The following IL1RAPL1 variants were observed in gnomAD, a reference collection of about 807,000 sequenced individuals.
IL1RAPL1 encodes the protein interleukin 1 receptor accessory protein like 1.
Under a neutral mutation model 48.4 loss-of-function variants are expected in IL1RAPL1, and 3 were observed. The ratio of observed to expected loss-of-function variants is 0.06; its 90% CI spans 0.03 to 0.16. The LOEUF is 0.16. Ranked by LOEUF, IL1RAPL1 falls within the 10% of genes least tolerant of loss-of-function variation. The pLI is 1.00. For synonymous variants in IL1RAPL1, 185 were observed against 187.7 expected (o/e 0.99, Z 0.12); for missense variants, 349 against 530.6 (o/e 0.66, Z 3.36).
intron 6 of IL1RAPL1, among the ~76,000 whole-genome samples, chrX:29,706,365 A>G (rs938593446): frequency 6.3e-5 from 7 of 111,747 alleles, no homozygotes; most frequent in Non-Finnish European, 1.3e-4. Context: ...TTTAACTCAG[A>G]AGTCCACAGT....
chrX:29,729,600 A>G (rs1029858419), intron 6 of IL1RAPL1, among the ~76,000 whole-genome samples: 1 of 112,009 alleles, frequency 8.9e-6, no homozygotes, highest in African/African-American at 3.2e-5. Context: ...GCATTCTGGA[A>G]CATTCCAACT....
chrX:29,331,068 G>C (rs1327415709), intron 3 of IL1RAPL1, among the ~76,000 whole-genome samples: 1 of 111,275 alleles, frequency 9.0e-6, no homozygotes, highest in African/African-American at 3.3e-5. Flanking sequence ...TCGGGAGGTT[G>C]AGGCGGGAGA....
At chrX:28,913,408 G>A (rs1474109324) in intron 2 of IL1RAPL1, among the ~76,000 whole-genome samples, 1 of 111,732 alleles carries the variant, frequency 8.9e-6, no homozygotes, top group Non-Finnish European at 1.9e-5. Context: ...ATGCTTAACA[G>A]TGTGTTGCCT....
intron 2 of IL1RAPL1, among the ~76,000 whole-genome samples, chrX:29,130,906 A>G (rs925166200): frequency 4.5e-5 from 5 of 112,200 alleles, no homozygotes; most frequent in Admixed American, 9.5e-5. Flanking sequence ...CATTCATAAT[A>G]CGGATTTTTT....
chrX:29,159,282 C>T (rs769361905), intron 2 of IL1RAPL1, among the ~76,000 whole-genome samples: 6 of 110,903 alleles, frequency 5.4e-5, no homozygotes, highest in East Asian at 5.7e-4. Flanking sequence ...TTGTCATAAT[C>T]AATTATGTAG....
chrX:28,761,863 G>C (rs1936177073), intron 1 of IL1RAPL1, among the ~76,000 whole-genome samples: 1 of 112,185 alleles, frequency 8.9e-6, no homozygotes, highest in Non-Finnish European at 1.9e-5. Flanking sequence ...GTTCTTAACA[G>C]TGTAGTCATA....
chrX:29,501,180 A>C (rs1480769543), intron 5 of IL1RAPL1, among the ~76,000 whole-genome samples: 1 of 111,677 alleles, frequency 9.0e-6, no homozygotes, highest in Non-Finnish European at 1.9e-5. Context: ...TAAACTCCTC[A>C]TGTATTCTGA....
chrX:28,788,444 T>G (rs1601903762), intron 1 of IL1RAPL1, among the ~76,000 whole-genome samples: 1 of 111,142 alleles, frequency 9.0e-6, no homozygotes, highest in East Asian at 2.8e-4. Flanking sequence ...AAATGATTTT[T>G]GGGTAGTTTC....
At chrX:28,980,413 A>G (rs1368555292) in intron 2 of IL1RAPL1, among the ~76,000 whole-genome samples, 1 of 112,606 alleles carries the variant, frequency 8.9e-6, no homozygotes, top group Admixed American at 9.4e-5. Flanking sequence ...GAAGTTTATT[A>G]TAATCAGTCT....
intron 2 of IL1RAPL1, among the ~76,000 whole-genome samples, chrX:29,204,431 A>T (rs1048925024): frequency 9.0e-6 from 1 of 111,522 alleles, no homozygotes; most frequent in Non-Finnish European, 1.9e-5. Flanking sequence ...CTGAGATGAC[A>T]TCTCATGTGC....
chrX:29,354,308 C>T (rs1314250651), intron 3 of IL1RAPL1, among the ~76,000 whole-genome samples: 4 of 111,076 alleles, frequency 3.6e-5, no homozygotes, highest in Non-Finnish European at 7.6e-5. Flanking sequence ...ACAATGACTA[C>T]TTTTAAAGTG....
chrX:28,828,285 A>G (rs1188528816), intron 2 of IL1RAPL1, among the ~76,000 whole-genome samples: 3 of 112,070 alleles, frequency 2.7e-5, no homozygotes, highest in African/African-American at 9.7e-5. Context: ...ATGGCCTGTT[A>G]ATAGTTTCAC....
intron 3 of IL1RAPL1, among the ~76,000 whole-genome samples, chrX:29,341,439 C>T (rs1933073335): frequency 1.8e-5 from 2 of 111,827 alleles, no homozygotes; most frequent in South Asian, 3.7e-4. Context: ...TTATAGAAGA[C>T]AAAATAGAAT....
At chrX:29,604,830 T>C (rs1923835622) in intron 5 of IL1RAPL1, among the ~76,000 whole-genome samples, 1 of 110,737 alleles carries the variant, frequency 9.0e-6, no homozygotes, top group Non-Finnish European at 1.9e-5. Flanking sequence ...CTATCATATT[T>C]CCCAGCTTTG....
chrX:28,647,120 C>T (rs750724533), intron 1 of IL1RAPL1, among the ~76,000 whole-genome samples: 13 of 111,929 alleles, frequency 1.2e-4, no homozygotes, highest in Non-Finnish European at 2.4e-4. Context: ...TTCAACTTCT[C>T]CTCCTAGTAC....
chrX:29,252,456 C>A (rs905382345), intron 2 of IL1RAPL1, among the ~76,000 whole-genome samples: 1 of 113,915 alleles, frequency 8.8e-6, no homozygotes, highest in African/African-American at 3.2e-5. Flanking sequence ...TTTTTTAAAG[C>A]AAGCAAGTAT....
chrX:29,823,292 A>C (rs985399995), intron 6 of IL1RAPL1, among the ~76,000 whole-genome samples: 1 of 112,229 alleles, frequency 8.9e-6, no homozygotes, highest in Non-Finnish European at 1.9e-5. Context: ...TAGCCTGAGC[A>C]GCCAGATAGT....
intron 6 of IL1RAPL1, among the ~76,000 whole-genome samples, chrX:29,793,500 A>G (rs1929678424): frequency 8.9e-6 from 1 of 111,976 alleles, no homozygotes; most frequent in Admixed American, 9.5e-5. Context: ...CACCTAATTA[A>G]TCTATTAACA....
At chrX:29,253,505 CAT>C (rs1323083060) in intron 2 of IL1RAPL1, among the ~76,000 whole-genome samples, 2 of 111,054 alleles carry the variant, frequency 1.8e-5, no homozygotes, top group Non-Finnish European at 3.8e-5. Context: ...TCGTAACTAA[CAT>C]ATATATGTAG....
Sources: gnomAD v4.1 joint callset for allele counts (sites outside exome capture counted in the v4.1 genomes callset) on GRCh38, gnomAD v4.1.1 for gene constraint, MANE v1.5 for transcripts, NCBI Gene and HGNC (gene_info 2026-07-23, HGNC 2026-07-21) for gene names.